Variants in GSE1 observed in about 807,000 individuals in gnomAD.
The protein encoded by GSE1 is genetic suppressor element 1.
GSE1 carries 32 observed loss-of-function variants against 112.6 expected under a neutral mutation model. The observed-to-expected ratio is 0.28, with a 90% confidence interval of 0.21 to 0.38. GSE1 has a LOEUF of 0.38. Ranked by LOEUF, GSE1 falls within the 10% of genes least tolerant of loss-of-function variation. GSE1 has a pLI of 1.00. For missense variants in GSE1, 2,348 were observed against 1,699.2 expected (o/e 1.38, Z -6.71); for synonymous variants, 1,115 against 735.6 (o/e 1.52, Z -8.35).
intron 1 of GSE1, among the ~76,000 whole-genome samples, chr16:85,574,433 C>G (rs190609933): frequency 2.6e-5 from 4 of 152,334 alleles, no homozygotes; most frequent in Non-Finnish European, 4.4e-5. Flanking sequence ...ATCCACCTGT[C>G]TGCTATCCCA....
chr16:85,249,270 C>G (rs560648434), intron 1 of GSE1, among the ~76,000 whole-genome samples: 1 of 152,352 alleles, frequency 6.6e-6, no homozygotes, highest in Admixed American at 6.5e-5. Context: ...GCCCAGAGCC[C>G]GTCTCTGACT....
chr16:85,429,057 C>A (rs2049057849), intron 2 of GSE1, among the ~76,000 whole-genome samples: 1 of 152,214 alleles, frequency 6.6e-6, no homozygotes, highest in Non-Finnish European at 1.5e-5. Context: ...GGGGCGCCTA[C>A]AGCTCCGAAG....
At chr16:85,637,008 G>A (rs1256284520) in intron 2 of GSE1, among the ~76,000 whole-genome samples, 2 of 152,224 alleles carry the variant, frequency 1.3e-5, no homozygotes, top group Non-Finnish European at 2.9e-5. Flanking sequence ...AGTGGGAGGG[G>A]TTTGCATTTC....
chr16:85,250,399 T>C (rs1382897693), intron 1 of GSE1, among the ~76,000 whole-genome samples: 1 of 152,154 alleles, frequency 6.6e-6, no homozygotes, highest in Admixed American at 6.5e-5. Context: ...TGCGCTTGGC[T>C]GGCCCCGCCC....
At chr16:85,515,397 G>T (rs958571170) in intron 2 of GSE1, among the ~76,000 whole-genome samples, 6 of 152,252 alleles carry the variant, frequency 3.9e-5, no homozygotes, top group Non-Finnish European at 8.8e-5. Context: ...TAGCGAGCTG[G>T]CAGTGGGTGA....
chr16:85,349,168 C>A (rs567641263), intron 1 of GSE1, among the ~76,000 whole-genome samples: 37 of 152,322 alleles, frequency 2.4e-4, no homozygotes, highest in African/African-American at 8.2e-4. Context: ...TTTAATAACC[C>A]TTTAGTTGTC....
At chr16:85,420,842 G>C (rs1406168048) in intron 2 of GSE1, among the ~76,000 whole-genome samples, 1 of 152,084 alleles carries the variant, frequency 6.6e-6, no homozygotes, top group Non-Finnish European at 1.5e-5. Flanking sequence ...CCGCAGCCTG[G>C]AGCTGCAGTG....
At chr16:85,344,888 G>A (rs991038936) in intron 1 of GSE1, among the ~76,000 whole-genome samples, 6 of 152,240 alleles carry the variant, frequency 3.9e-5, no homozygotes, top group Admixed American at 6.5e-5. Context: ...GCTGTCTGCC[G>A]CCTTCAGGCA....
At chr16:85,204,044 A>G (rs982186697) in intron 1 of GSE1, among the ~76,000 whole-genome samples, 7 of 152,220 alleles carry the variant, frequency 4.6e-5, no homozygotes, top group Admixed American at 2.0e-4. Context: ...TGCTGGGATT[A>G]CAGGCATGAG....
chr16:85,315,900 A>T (rs1385004100), intron 1 of GSE1, among the ~76,000 whole-genome samples: 1 of 151,824 alleles, frequency 6.6e-6, no homozygotes, highest in Non-Finnish European at 1.5e-5. Context: ...GCTGCATCCC[A>T]CGCCAGAGCA....
At chr16:85,552,868 T>A (rs1311545767), upstream of GSE1, among the ~76,000 whole-genome samples, 1 of 152,264 alleles carries the variant, frequency 6.6e-6, no homozygotes, top group African/African-American at 2.4e-5. Context: ...TTATTGCCTG[T>A]ACAGCTATTG....
At chr16:85,454,537 G>A (rs559044494) in intron 2 of GSE1, among the ~76,000 whole-genome samples, 18 of 152,292 alleles carry the variant, frequency 1.2e-4, no homozygotes, top group South Asian at 6.2e-4. Context: ...TGAGTTTCCC[G>A]GGGCTGCCAT....
upstream of GSE1, among the ~76,000 whole-genome samples, chr16:85,611,197 C>G (rs767693125): frequency 6.6e-6 from 1 of 152,140 alleles, no homozygotes; most frequent in Non-Finnish European, 1.5e-5. Context: ...GGGCCAGTCC[C>G]GGAGGTGAAT....
intron 1 of GSE1, among the ~76,000 whole-genome samples, chr16:85,276,735 TG>T (rs1011352124): frequency 1.3e-5 from 2 of 151,912 alleles, no homozygotes; most frequent in Admixed American, 6.5e-5. Flanking sequence ...GGGAGGTGTG[TG>T]GGGTGGGACC....
Position 85,661,703 on chromosome 16 carries a change from G to A in GSE1, c.2198G>A (p.Arg733His), listed in dbSNP as rs541416617. ...ATCTATGATGAGTTCCTGCAGCAGC[G>A]CCGGAGGCTGGTCAGCAAGCTGGAC... ...AYIYDEFLQQ[R>H]RRLVSKLDLE... The change falls in exon 9 of 16, where the codon CGC becomes CAC. Residue 733 changes from arginine to histidine, a missense_variant. Coordinates refer to ENST00000253458, the MANE Select transcript of GSE1 (RefSeq NM_014615.5). 13 of 1,599,496 alleles carry A rather than the reference G, an allele frequency of 8.1e-6. No homozygotes were observed. Among genetic ancestry groups the A allele is most frequent in the African/African-American group, 4.0e-5 (3 of 74,822 alleles).
intron 2 of GSE1, among the ~76,000 whole-genome samples, chr16:85,525,077 C>T (rs981222009): frequency 3.3e-5 from 5 of 152,346 alleles, no homozygotes; most frequent in African/African-American, 1.2e-4. Flanking sequence ...GTTGCGTCAC[C>T]ACGTCTGCTG....
intron 9 of GSE1, 84 bp downstream of exon 9, chr16:85,661,849 C>G (rs1211014980): frequency 1.2e-5 from 15 of 1,303,922 alleles, no homozygotes; most frequent in East Asian, 7.7e-5. Context: ...ACCTGCCCCT[C>G]TCCGTCCACT....
Position 85,445,447 on chromosome 16 carries a change from C to T in GSE1, c.2464+87804C>T, listed in dbSNP as rs561820369. On this transcript the variant is annotated intron_variant, in intron 2 of 2. Coordinates refer to the GSE1 transcript ENST00000637419. The stretch of plus-strand genomic sequence containing the variant: ...GGCGGCCACGCACAGCGAGGGGGGG[C>T]GGCCAGTCCCCAGACCCCTCACAGG... Among the ~76,000 whole-genome samples, 3 of 152,320 alleles carry T rather than the reference C, an allele frequency of 2.0e-5. No individual in the cohort carries two copies. In the South Asian group the frequency reaches 6.2e-4, roughly 32 times the overall value.
chr16:85,256,531 C>T (rs1194986715), intron 1 of GSE1, among the ~76,000 whole-genome samples: 1 of 152,210 alleles, frequency 6.6e-6, no homozygotes, highest in South Asian at 2.1e-4. Flanking sequence ...CGCCCAGGCA[C>T]GTTCCTTGGC....
Sources: gnomAD v4.1 joint callset for allele counts (sites outside exome capture counted in the v4.1 genomes callset) on GRCh38, gnomAD v4.1.1 for gene constraint, MANE v1.5 for transcripts, NCBI Gene and HGNC (gene_info 2026-07-23, HGNC 2026-07-21) for gene names.